Variants in VAT1L observed in about 807,000 individuals in gnomAD.
VAT1L encodes the protein putative NADPH-dependent quinone oxidoreductase VAT1L.
VAT1L carries 34 observed loss-of-function variants against 44.1 expected under a neutral mutation model. The observed-to-expected ratio is 0.77, with a 90% confidence interval of 0.59 to 1.03. VAT1L has a LOEUF of 1.03. VAT1L is among the 50% of genes least tolerant of loss of function. The pLI is 0.00. For synonymous variants in VAT1L, 253 were observed against 202.2 expected (o/e 1.25, Z -2.13); for missense variants, 615 against 538.8 (o/e 1.14, Z -1.40).
chr16:77,853,555 G>T, intron 3 of VAT1L, among the ~76,000 whole-genome samples: 1 of 152,106 alleles, frequency 6.6e-6, no homozygotes, highest in East Asian at 1.9e-4. Flanking sequence ...ATGTGCCAGT[G>T]ATTTACCATG....
intron 7 of VAT1L, among the ~76,000 whole-genome samples, chr16:77,940,173 G>T (rs1346196357): frequency 6.6e-6 from 1 of 152,052 alleles, no homozygotes; most frequent in Non-Finnish European, 1.5e-5. Flanking sequence ...AAATCTTAGG[G>T]GTGGGGAACT....
At chr16:77,926,483 C>G (rs1489986532) in intron 7 of VAT1L, among the ~76,000 whole-genome samples, 1 of 152,004 alleles carries the variant, frequency 6.6e-6, no homozygotes, top group African/African-American at 2.4e-5. Flanking sequence ...ACTCAAGAGG[C>G]TGAGACAGGA....
chr16:77,836,689 A>C (rs954912731), intron 3 of VAT1L, among the ~76,000 whole-genome samples: 4 of 152,150 alleles, frequency 2.6e-5, no homozygotes, highest in African/African-American at 4.8e-5. Flanking sequence ...AAAATATGTA[A>C]ATATATAGAT....
intron 5 of VAT1L, among the ~76,000 whole-genome samples, chr16:77,878,552 C>T (rs2017114174): frequency 6.6e-6 from 1 of 152,048 alleles, no homozygotes; most frequent in Non-Finnish European, 1.5e-5. Flanking sequence ...CCCATCTGCC[C>T]TCTGAATACT....
intron 7 of VAT1L, among the ~76,000 whole-genome samples, chr16:77,888,631 G>A (rs1251664263): frequency 1.3e-5 from 2 of 152,166 alleles, no homozygotes; most frequent in Non-Finnish European, 2.9e-5. Context: ...TTTTTTGCTG[G>A]GTAGGGAGGG....
chr16:77,872,952 T>C (rs962808199), intron 4 of VAT1L, among the ~76,000 whole-genome samples: 1 of 152,180 alleles, frequency 6.6e-6, no homozygotes, highest in Non-Finnish European at 1.5e-5. Context: ...CTATAAACTC[T>C]CGGGGAAAAC....
At chr16:77,932,830 G>C (rs1422645860) in intron 7 of VAT1L, among the ~76,000 whole-genome samples, 1 of 152,114 alleles carries the variant, frequency 6.6e-6, no homozygotes, top group Non-Finnish European at 1.5e-5. Flanking sequence ...AAATCCAAAG[G>C]GAAAAAACAA....
intron 8 of VAT1L, among the ~76,000 whole-genome samples, chr16:77,976,876 A>T (rs1282610092): frequency 1.3e-5 from 2 of 152,226 alleles, no homozygotes; most frequent in African/African-American, 4.8e-5. Context: ...CTGTCTTCCC[A>T]GAAACTATAT....
At chr16:77,945,881 C>T (rs992149877) in intron 7 of VAT1L, among the ~76,000 whole-genome samples, 1 of 151,512 alleles carries the variant, frequency 6.6e-6, no homozygotes, top group Non-Finnish European at 1.5e-5. Context: ...CAGCTCACTG[C>T]CCCCTCTGCT....
intron 7 of VAT1L, among the ~76,000 whole-genome samples, chr16:77,919,416 T>C (rs1201484051): frequency 6.6e-6 from 1 of 152,188 alleles, no homozygotes; most frequent in African/African-American, 2.4e-5. Context: ...TCAGCAACAG[T>C]GTTGCCAGGC....
intron 1 of VAT1L, among the ~76,000 whole-genome samples, chr16:77,790,789 T>C (rs2015820824): frequency 6.6e-6 from 1 of 152,258 alleles, no homozygotes; most frequent in Non-Finnish European, 1.5e-5. Flanking sequence ...AAGAGCATCA[T>C]CTGCAGTACA....
intron 7 of VAT1L, among the ~76,000 whole-genome samples, chr16:77,926,596 G>A (rs1296553719): frequency 1.3e-5 from 2 of 151,990 alleles, no homozygotes; most frequent in Admixed American, 1.3e-4. Context: ...AAAAGTAGAA[G>A]TAGGGGTAAG....
chr16:77,928,901 C>T (rs956768007), intron 7 of VAT1L, among the ~76,000 whole-genome samples: 4 of 152,134 alleles, frequency 2.6e-5, no homozygotes, highest in African/African-American at 9.7e-5. Context: ...ACTGCAACCT[C>T]CCCTTTCCGG....
At chr16:77,956,154 T>A (rs1434286756) in intron 7 of VAT1L, among the ~76,000 whole-genome samples, 1 of 152,220 alleles carries the variant, frequency 6.6e-6, no homozygotes, top group East Asian at 1.9e-4. Context: ...GATTACTATC[T>A]ATTGCATGCC....
chr16:77,814,347 TAG>T, intron 1 of VAT1L, among the ~76,000 whole-genome samples: 1 of 152,250 alleles, frequency 6.6e-6, no homozygotes, highest in Non-Finnish European at 1.5e-5. Flanking sequence ...GTCCTAAAAA[TAG>T]GGGGCATTCT....
intron 7 of VAT1L, among the ~76,000 whole-genome samples, chr16:77,957,656 C>T (rs951205031): frequency 3.3e-5 from 5 of 151,634 alleles, no homozygotes; most frequent in African/African-American, 9.7e-5. Context: ...ACCCGGGAGG[C>T]GGAGGTTGCA....
chr16:77,865,690 T>C (rs986317944), intron 4 of VAT1L, among the ~76,000 whole-genome samples: 1 of 152,114 alleles, frequency 6.6e-6, no homozygotes, highest in Non-Finnish European at 1.5e-5. Flanking sequence ...GGATGAGAAG[T>C]TGGCCAAAGG....
chr16:77,892,962 T>A, intron 7 of VAT1L: 1 of 773,642 alleles, frequency 1.3e-6, no homozygotes, highest in African/African-American at 1.7e-5. Flanking sequence ...ATTCTATCTG[T>A]AGCTCAGGAG....
chr16:77,898,724 C>T (rs1462142358), intron 7 of VAT1L, among the ~76,000 whole-genome samples: 1 of 152,214 alleles, frequency 6.6e-6, no homozygotes, highest in East Asian at 1.9e-4. Context: ...TCAAACCTCC[C>T]AGAGCTGGTT....
Sources: gnomAD v4.1 joint callset for allele counts (sites outside exome capture counted in the v4.1 genomes callset) on GRCh38, gnomAD v4.1.1 for gene constraint, MANE v1.5 for transcripts, NCBI Gene and HGNC (gene_info 2026-07-23, HGNC 2026-07-21) for gene names.